IDE: variants seen among roughly 807,000 people sequenced by gnomAD.
IDE encodes the protein insulin degrading enzyme, also known as insulin-degrading enzyme.
Under a neutral mutation model 133.2 loss-of-function variants are expected in IDE, and 58 were observed. That is an observed-to-expected ratio of 0.44 (90% CI 0.35 to 0.54). The LOEUF (loss-of-function observed/expected upper bound fraction) is 0.54. Ranked by LOEUF, IDE falls within the 20% of genes least tolerant of loss-of-function variation. The pLI is 0.00. For missense variants in IDE, 981 were observed against 1,234.0 expected, an observed-to-expected ratio of 0.79 and a Z score of 3.07; for synonymous variants, 396 against 421.3, an observed-to-expected ratio of 0.94 and a Z score of 0.73.
intron 9 of IDE, among the ~76,000 whole-genome samples, chr10:92,506,812 T>C (rs1848315862): frequency 6.6e-6 from 1 of 152,174 alleles, no homozygotes; most frequent in Non-Finnish European, 1.5e-5. Flanking sequence ...GCCTAAGTTG[T>C]TGAAACTAAT....
At chr10:92,551,302 G>A (rs1387183354) in intron 1 of IDE, among the ~76,000 whole-genome samples, 1 of 152,202 alleles carries the variant, frequency 6.6e-6, no homozygotes, top group Non-Finnish European at 1.5e-5. Flanking sequence ...GGGTGCAGTG[G>A]CTCATGCCTG....
intron 15 of IDE, among the ~76,000 whole-genome samples, chr10:92,476,830 G>A (rs143394437): frequency 6.6e-6 from 1 of 152,304 alleles, no homozygotes; most frequent in East Asian, 1.9e-4. Context: ...GGTTTCTACA[G>A]GTGAGGTAAG....
chr10:92,507,026 T>C (rs1224500572), intron 9 of IDE, among the ~76,000 whole-genome samples: 2 of 152,134 alleles, frequency 1.3e-5, no homozygotes, highest in Non-Finnish European at 2.9e-5. Flanking sequence ...AGAATCTCGA[T>C]AGGCTTTAAA....
Position 92,465,747 on chromosome 10 carries a change from A to G in IDE, c.2417T>C (p.Met806Thr). The G allele has an allele frequency of 1.9e-6, 3 of 1,613,984 alleles. No individual in the cohort carries two copies. The highest frequency in any genetic ancestry group is 2.5e-6 in the Non-Finnish European group (3 of 1,179,902). The change falls in exon 20 of 25, where the codon ATG becomes ACG. Residue 806 changes from methionine (M) to threonine (T), a missense_variant. Transcript: ENST00000265986. ...AATCTGACAGAAGAGCTCCAGAAAC[A>G]TATTCTCTGAGGTGCTTTGCATGTC... The part of the protein sequence containing the change: ...QTDMQSTSEN[M>T]FLELFCQIIS...
chr10:92,489,898 T>C (rs1847242077), intron 12 of IDE, among the ~76,000 whole-genome samples: 3 of 152,284 alleles, frequency 2.0e-5, no homozygotes, highest in South Asian at 4.1e-4. Flanking sequence ...CAAAGGCACA[T>C]AGCCAATGAG....
intron 15 of IDE, among the ~76,000 whole-genome samples, chr10:92,476,741 A>C (rs920144124): frequency 1.3e-5 from 2 of 152,200 alleles, no homozygotes; most frequent in African/African-American, 2.4e-5. Context: ...TCAAAACTCA[A>C]ATTCTTTTTA....
At chr10:92,555,958 G>T (rs887680255) in intron 1 of IDE, among the ~76,000 whole-genome samples, 1 of 152,002 alleles carries the variant, frequency 6.6e-6, no homozygotes, top group Non-Finnish European at 1.5e-5. Context: ...TGGATCACGA[G>T]GTCAGGAGAT....
chr10:92,550,367 T>C (rs1842722593), intron 1 of IDE, among the ~76,000 whole-genome samples: 2 of 152,126 alleles, frequency 1.3e-5, no homozygotes, highest in Non-Finnish European at 2.9e-5. Flanking sequence ...AAAGAAGATA[T>C]ACAAATGGCC....
chr10:92,460,544 C>G (rs1392619288), intron 22 of IDE, among the ~76,000 whole-genome samples: 1 of 152,022 alleles, frequency 6.6e-6, no homozygotes, highest in Non-Finnish European at 1.5e-5. Flanking sequence ...TTGGGCCACA[C>G]TGGAAGAAGA....
At chr10:92,528,955 T>C (rs1176076300) in intron 4 of IDE, among the ~76,000 whole-genome samples, 1 of 151,966 alleles carries the variant, frequency 6.6e-6, no homozygotes, top group Non-Finnish European at 1.5e-5. Context: ...TGGGTGCCCG[T>C]AATCCCAGCT....
At chr10:92,526,083 G>A (rs1416514205) in intron 4 of IDE, among the ~76,000 whole-genome samples, 2 of 151,752 alleles carry the variant, frequency 1.3e-5, no homozygotes, top group African/African-American at 2.4e-5. Flanking sequence ...AACCTAGGAG[G>A]TGGAGGTTGC....
In IDE at chr10:92,521,047, G is replaced by T. The variant is rs1849197298; in HGVS notation, c.662-6005C>A. Among the ~76,000 whole-genome samples the T allele has an allele frequency of 2.0e-5, 3 of 152,088 alleles. No individual in the cohort carries two copies. The East Asian group carries it at 5.8e-4, about 29-fold the overall frequency. The stretch of plus-strand genomic sequence containing the variant: ...TTATTTTGAAAATTGGTAAATAAAT[G>T]GAATGGAATAAAAGCATTTATCCTG... On this transcript the variant is annotated intron_variant, in intron 4 of 24. Transcript: ENST00000265986.
chr10:92,539,406 G>A (rs564832053), intron 1 of IDE, among the ~76,000 whole-genome samples: 3 of 152,164 alleles, frequency 2.0e-5, no homozygotes, highest in African/African-American at 7.2e-5. Context: ...CTAACATATT[G>A]GGGCTATGTT....
chr10:92,524,446 T>A (rs11818981), intron 4 of IDE, among the ~76,000 whole-genome samples: 37,204 of 42,834 alleles, frequency 0.87, 16,182 homozygotes, highest in South Asian at 0.92. Context: ...TATAATATAT[T>A]TTATATATTA....
chr10:92,573,784 C>CG, intron 1 of IDE, 138 bp downstream of exon 1: 1 of 624,634 alleles, frequency 1.6e-6, no homozygotes, highest in Non-Finnish European at 2.5e-6. Context: ...CGCGGCAGTA[C>CG]GGGCCCCAGG....
chr10:92,554,595 C>T (rs1404012626), intron 1 of IDE: 1 of 150,650 alleles, frequency 6.6e-6, no homozygotes, highest in Non-Finnish European at 1.5e-5. Context: ...TGCCTGTAAT[C>T]CCAACACTTT....
chr10:92,528,485 G>C lies in IDE; in HGVS notation c.661+3263C>G, dbSNP rs1164399052. Among the ~76,000 whole-genome samples the C allele has an allele frequency of 2.6e-5, 4 of 151,094 alleles. No individual in the cohort carries two copies. In the East Asian group the frequency reaches 7.7e-4, roughly 29 times the overall value. On this transcript the variant is annotated intron_variant, in intron 4 of 24. Coordinates refer to ENST00000265986, the MANE Select transcript of IDE (RefSeq NM_004969.4). ...AGAAAAAAAAAAAAACAGAATATAA[G>C]GGAAAGTGCCAGACTACATCCCATG...
At chr10:92,473,218 C>A (rs1042161366) in intron 17 of IDE, among the ~76,000 whole-genome samples, 1 of 152,010 alleles carries the variant, frequency 6.6e-6, no homozygotes, top group African/African-American at 2.4e-5. Flanking sequence ...GTGTGAGCCA[C>A]GGCACCCGGC....
At chr10:92,556,837 T>TGG in intron 1 of IDE, among the ~76,000 whole-genome samples, 2 of 151,420 alleles carry the variant, frequency 1.3e-5, no homozygotes, top group African/African-American at 2.4e-5. Flanking sequence ...GACAGGAGAA[T>TGG]TGCTTGAACC....
Sources: allele counts gnomAD v4.1 joint callset (sites outside exome capture counted in the v4.1 genomes callset), GRCh38; gene constraint gnomAD v4.1.1; transcripts MANE v1.5; gene names NCBI Gene and HGNC (gene_info 2026-07-23, HGNC 2026-07-21).